Variants in ING1 observed in about 807,000 individuals in gnomAD.
ING1 encodes the protein inhibitor of growth protein 1.
Under a neutral mutation model 23.1 loss-of-function variants are expected in ING1, and 4 were observed. The ratio of observed to expected loss-of-function variants is 0.17; its 90% confidence interval spans 0.09 to 0.40. ING1 has a LOEUF of 0.40. Ranked by LOEUF, ING1 falls within the 10% of genes least tolerant of loss-of-function variation. The probability of loss-of-function intolerance (pLI) is 1.00; values close to 1 mark genes in which losing one functional copy is unlikely to be tolerated. For synonymous variants in ING1, 179 were observed against 166.4 expected (o/e 1.08, Z -0.58); for missense variants, 256 against 393.8 (o/e 0.65, Z 2.96).
chr13:110,720,113 G>T lies in ING1; in HGVS notation c.*181G>T. Reference sequence around the variant, plus strand: ...GCCTTTTGTTTTCATTGGTACACGTGTAACAAGAAAGTGGTCTGTGGATCA... The same window carrying T: ...GCCTTTTGTTTTCATTGGTACACGTTTAACAAGAAAGTGGTCTGTGGATCA... On this transcript the variant is annotated 3_prime_UTR_variant, in exon 2 of 2. Coordinates refer to ENST00000333219, the MANE Select transcript of ING1 (RefSeq NM_198219.3). The T allele has an allele frequency of 2.0e-6, 1 of 505,620 alleles. No individual in the cohort carries two copies. Among genetic ancestry groups the T allele is most frequent in the Non-Finnish European group, 3.5e-6 (1 of 285,060 alleles). The allele number at this position is 505,620 out of a possible 1,614,324, so 31.3% of individuals were successfully genotyped here.
At chr13:110,713,240 G>A (rs1262465247), upstream of ING1, 8 of 1,388,522 alleles carry the variant, frequency 5.8e-6, no homozygotes, top group Non-Finnish European at 7.5e-6. Flanking sequence ...TACTTATACT[G>A]CTCTGTGGGG....
chr13:110,712,934 G>T, upstream of ING1: 1 of 1,557,600 alleles, frequency 6.4e-7, no homozygotes. Flanking sequence ...GCAGGCGCGG[G>T]AGCCGCCTAG....
rs1028537467 is a variant in ING1, at chr13:110,719,808, C to T, written c.716C>T (p.Ser239Leu). The T allele has an allele frequency of 1.9e-6, 3 of 1,613,880 alleles. No individual in the cohort carries two copies. The highest frequency in any genetic ancestry group is 2.5e-6 in the Non-Finnish European group (3 of 1,180,030). Reference sequence around the variant, plus strand: ...TGCCCCATCGAGTGGTTCCACTTCTCGTGCGTGGGGCTCAATCATAAACCC... The same window carrying T: ...TGCCCCATCGAGTGGTTCCACTTCTTGTGCGTGGGGCTCAATCATAAACCC... ...DECPIEWFHF[S>L]CVGLNHKPKG... Residue 239 changes from serine to leucine, a missense_variant, in exon 2 of 2, where the codon TCG becomes TTG. This residue lies in a region of ING1 where 25 missense variants were observed against 95.8 expected (regional missense o/e 0.26). Coordinates refer to ENST00000333219, the MANE Select transcript of ING1 (RefSeq NM_198219.3). The surrounding 1 kb of genome is among the most constrained non-coding windows in gnomAD (Gnocchi z 8.9).
intron 1 of ING1, chr13:110,714,886 T>G: frequency 2.3e-5 from 16 of 707,692 alleles, no homozygotes; most frequent in Non-Finnish European, 2.8e-5. Flanking sequence ...GGACACCGAG[T>G]AGGGGCCGAC....
intron 1 of ING1, chr13:110,715,804 C>A (rs766558579): frequency 2.0e-5 from 31 of 1,585,040 alleles, no homozygotes; most frequent in Non-Finnish European, 2.6e-5. Context: ...GGAGGCCTGG[C>A]GGGTGTCGCC....
chr13:110,715,386 G>C, intron 1 of ING1: 3 of 1,503,024 alleles, frequency 2.0e-6, no homozygotes, highest in Middle Eastern at 4.2e-4. Context: ...GAATTTTATA[G>C]GAACTTCATT....
At chr13:110,716,290 G>C (rs939290909) in intron 1 of ING1, among the ~76,000 whole-genome samples, 1 of 152,144 alleles carries the variant, frequency 6.6e-6, no homozygotes, top group Non-Finnish European at 1.5e-5. Flanking sequence ...GTTCACCTAG[G>C]GTGATGAACT....
chr13:110,716,097 G>T, intron 1 of ING1: 1 of 1,370,354 alleles, frequency 7.3e-7, no homozygotes, highest in Non-Finnish European at 9.5e-7. Context: ...CGGGCCCCGT[G>T]GGGTGACCCT....
chr13:110,721,453 G>GT lies in ING1; in HGVS notation c.*1524dup, dbSNP rs2064171357. On this transcript the variant is annotated 3_prime_UTR_variant, in exon 2 of 2. Transcript: ENST00000333219. The stretch of plus-strand genomic sequence containing the variant: ...ATTTTGTATTTTCAGTAGAGACGCG[G>GT]TTTCTCCATGTTGGTCATGGCTGGT... 6.6e-6 allele frequency: 1 copy of GT among 151,988 alleles called. No individual in the cohort carries two copies. The allele number at this position is 151,988 out of a possible 1,614,324, so 9.4% of individuals were successfully genotyped here.
chr13:110,715,860 T>G (rs531217733), intron 1 of ING1: 1 of 1,596,052 alleles, frequency 6.3e-7, no homozygotes, highest in African/African-American at 1.3e-5. Flanking sequence ...GGCGCGGATT[T>G]ATAGCAGTAG....
At chr13:110,715,778 C>T (rs1375424321) in intron 1 of ING1, 3 of 1,591,422 alleles carry the variant, frequency 1.9e-6, no homozygotes, top group Admixed American at 1.7e-5. Context: ...TCCCGCTGGC[C>T]TCCTCCCCAT....
At position 110,720,177 on chromosome 13, in the gene ING1, T is replaced by G. The variant is rs2064160328; in HGVS notation, c.*245T>G. 1 of 335,544 alleles carries G rather than the reference T, an allele frequency of 3.0e-6. No individual in the cohort carries two copies. The highest frequency in any genetic ancestry group is 9.7e-5 in the South Asian group (1 of 10,304). 20.8% of individuals were successfully genotyped at this position (335,544 alleles called of 1,614,324 possible). The stretch of plus-strand genomic sequence containing the variant: ...TACAAATATAGGTTTGATTCAACAC[T>G]TAAGTCTCAGACTGATTTCTTGCGG... On this transcript the variant is annotated 3_prime_UTR_variant, in exon 2 of 2. Transcript: ENST00000333219.
rs1233632906 is a variant in ING1, at chr13:110,719,905, C to A, written c.813C>A (p.Ser271=). Residue 271 remains serine, a synonymous_variant, in exon 2 of 2, where the codon TCC becomes TCA. Coordinates refer to ENST00000333219, the MANE Select transcript of ING1 (RefSeq NM_198219.3). The surrounding 1 kb of genome is among the most constrained non-coding windows in gnomAD (Gnocchi z 8.9). ...CCATGGACAAAGCCCTGGAGAAATCCAAAAAAGAGAGGGCTTACAACAGGT... is the reference window on the plus strand; with the variant it reads ...CCATGGACAAAGCCCTGGAGAAATCAAAAAAAGAGAGGGCTTACAACAGGT... ...EKTMDKALEK[S]KKERAYNR is the part of the protein sequence containing the mutation. The A allele has an allele frequency of 4.4e-6, 7 of 1,598,472 alleles. No individual in the cohort carries two copies. In the Admixed American group the frequency reaches 7.4e-5, roughly 17 times the overall value.
Position 110,719,619 on chromosome 13 carries a change from C to T in ING1, c.527C>T (p.Pro176Leu), listed in dbSNP as rs140897205. 2,018 of 1,612,124 alleles carry T rather than the reference C, an allele frequency of 1.3e-3. 4 individuals carry two copies. Among genetic ancestry groups the T allele is most frequent in the Non-Finnish European group, 1.6e-3 (1,886 of 1,179,610 alleles). ...CACGACGACGGCGCCTCGGGCACACCCAAGGAGAAGAAGGCCAAGACCTCC... is the reference window on the plus strand; with the variant it reads ...CACGACGACGGCGCCTCGGGCACACTCAAGGAGAAGAAGGCCAAGACCTCC... ...HDHDDGASGTPKEKKAKTSKK... is the reference protein window; with the variant it reads ...HDHDDGASGTLKEKKAKTSKK... The change falls in exon 2 of 2, where the codon CCC becomes CTC. Residue 176 changes from proline (P) to leucine (L), a missense_variant. This residue lies in a region of ING1 where 209 missense variants were observed against 273.8 expected (regional missense o/e 0.76). Transcript: ENST00000333219. The surrounding 1 kb of genome is among the most constrained non-coding windows in gnomAD (Gnocchi z 8.9).
chr13:110,717,139 G>C (rs2064130706), intron 1 of ING1, among the ~76,000 whole-genome samples: 1 of 152,130 alleles, frequency 6.6e-6, no homozygotes, highest in Non-Finnish European at 1.5e-5. Flanking sequence ...CTGATGAAAA[G>C]AAGTGATACC....
At chr13:110,717,136 A>G (rs1470658386) in intron 1 of ING1, among the ~76,000 whole-genome samples, 1 of 152,208 alleles carries the variant, frequency 6.6e-6, no homozygotes, top group African/African-American at 2.4e-5. Flanking sequence ...TTACTGATGA[A>G]AAGAAGTGAT....
At chr13:110,713,625 C>CG (rs1269777898), upstream of ING1, 17 of 983,200 alleles carry the variant, frequency 1.7e-5, no homozygotes, top group South Asian at 4.7e-5. Flanking sequence ...GGGCCGTTGC[C>CG]GGGGGAGGGG....
At chr13:110,714,358 GC>G (rs1280051849) in intron 1 of ING1, 73 bp downstream of exon 1, 6 of 1,337,382 alleles carry the variant, frequency 4.5e-6, no homozygotes, top group Non-Finnish European at 5.8e-6. Flanking sequence ...GCGGAGCCGG[GC>G]CGGTCCTGCC....
At chr13:110,715,479 G>A (rs1054180709) in intron 1 of ING1, 9 of 1,611,796 alleles carry the variant, frequency 5.6e-6, no homozygotes, top group Non-Finnish European at 7.6e-6. Flanking sequence ...ATTCCCCTGC[G>A]GAACGATTGG....
Sources: allele counts gnomAD v4.1 joint callset (sites outside exome capture counted in the v4.1 genomes callset), GRCh38; gene constraint gnomAD v4.1.1; regional missense constraint gnomAD v4.1.1; non-coding constraint Gnocchi (gnomAD v3.1); transcripts MANE v1.5; gene names NCBI Gene and HGNC (gene_info 2026-07-23, HGNC 2026-07-21).